The following CILK1 variants were observed in gnomAD, a reference collection of about 807,000 sequenced individuals.
The protein encoded by CILK1 is ciliogenesis associated kinase 1.
In CILK1, 47 loss-of-function variants were observed where a neutral mutation model predicts 79.2. The ratio of observed to expected loss-of-function variants is 0.59; its 90% CI spans 0.47 to 0.76. The LOEUF is 0.76. CILK1 is among the 30% of genes least tolerant of loss of function. The pLI, the probability that CILK1 is intolerant of heterozygous loss-of-function variation, is 0.00. For missense variants in CILK1, 660 were observed against 769.5 expected (o/e 0.86, Z 1.68); for synonymous variants, 266 against 275.9 (o/e 0.96, Z 0.36).
At chr6:53,005,750 T>C (rs1164196969) in intron 13 of CILK1, among the ~76,000 whole-genome samples, 1 of 152,140 alleles carries the variant, frequency 6.6e-6, no homozygotes, top group Non-Finnish European at 1.5e-5. Context: ...GGCTGTCAGA[T>C]CACCTCACTT....
At chr6:53,024,725 C>A (rs1364097588) in intron 5 of CILK1, among the ~76,000 whole-genome samples, 1 of 152,122 alleles carries the variant, frequency 6.6e-6, no homozygotes, top group Non-Finnish European at 1.5e-5. Context: ...AAAACTGAAT[C>A]ATGGTGGCAG....
At chr6:53,041,838 T>TAG (rs1766732059) in intron 1 of CILK1, among the ~76,000 whole-genome samples, 1 of 152,110 alleles carries the variant, frequency 6.6e-6, no homozygotes. Context: ...CTCTGGGCCC[T>TAG]AAGCTGCTGG....
rs781680438 is a variant in CILK1, at chr6:53,011,785, G to C, written c.1476C>G (p.His492Gln). The C allele has an allele frequency of 6.2e-7, 1 of 1,614,074 alleles. No individual in the cohort carries two copies. The highest frequency in any genetic ancestry group is 1.1e-5 in the South Asian group (1 of 91,084). Residue 492 changes from histidine to glutamine, a missense_variant, in exon 11 of 14, where the codon CAC becomes CAG. By Grantham distance (24) the His-to-Gln change is conservative (BLOSUM62 0). Coordinates refer to ENST00000676107, the MANE Select transcript of CILK1 (RefSeq NM_014920.5). Reference sequence around the variant, plus strand: ...TTATATTACCAGGCAAGTATCGAGAGTGCTTCAAATAGTGCTGCTTGGCTG... The same window carrying C: ...TTATATTACCAGGCAAGTATCGAGACTGCTTCAAATAGTGCTGCTTGGCTG... ...RSAAKQHYLK[H>Q]SRYLPGISIR...
rs763249270 is a variant in CILK1 at position 53,041,239 on chromosome 6, T to C, written c.-3A>G. 5 of 1,609,274 alleles carry C rather than the reference T, an allele frequency of 3.1e-6. No homozygotes were observed. In the African/African-American group the frequency reaches 4.0e-5, roughly 13 times the overall value. On this transcript the variant is annotated 5_prime_UTR_variant, in exon 2 of 14. Transcript: ENST00000676107. Reference sequence around the variant, plus strand: ...CTGATTGTTGTGTATCTATTCATGGTGTGCCTGCTCAGGCCGGACACTCAT... The same window carrying C: ...CTGATTGTTGTGTATCTATTCATGGCGTGCCTGCTCAGGCCGGACACTCAT...
chr6:53,056,077 A>G (rs1390354555), intron 1 of CILK1, among the ~76,000 whole-genome samples: 1 of 152,166 alleles, frequency 6.6e-6, no homozygotes, highest in African/African-American at 2.4e-5. Context: ...GTAGATAGTA[A>G]CTTTCATGAT....
At chr6:53,036,139 T>C (rs1276234088) in intron 3 of CILK1, among the ~76,000 whole-genome samples, 4 of 152,204 alleles carry the variant, frequency 2.6e-5, no homozygotes. Flanking sequence ...ACTGTATATA[T>C]GAGTAATCTC....
intron 3 of CILK1, among the ~76,000 whole-genome samples, chr6:53,036,723 GAT>G (rs1766363760): frequency 1.3e-5 from 2 of 151,950 alleles, no homozygotes. Flanking sequence ...GCCCAAAAAA[GAT>G]AAAAAAGAAT....
At chr6:53,055,019 A>G (rs1012872002) in intron 1 of CILK1, among the ~76,000 whole-genome samples, 1 of 152,242 alleles carries the variant, frequency 6.6e-6, no homozygotes, top group Non-Finnish European at 1.5e-5. Flanking sequence ...GACAGGAGAC[A>G]AAAAGTTACA....
intron 5 of CILK1, among the ~76,000 whole-genome samples, chr6:53,028,099 A>C (rs541808129): frequency 6.8e-6 from 1 of 146,432 alleles, no homozygotes; most frequent in South Asian, 2.2e-4. Flanking sequence ...GTAAGCTGAG[A>C]TCGCGCCACT....
chr6:53,019,846 T>TG (rs1156655477), intron 5 of CILK1, among the ~76,000 whole-genome samples: 21 of 146,710 alleles, frequency 1.4e-4, no homozygotes, highest in Non-Finnish European at 2.9e-4. Context: ...TTTTTTTTTT[T>TG]GTTTTTGTAA....
chr6:53,040,010 T>C (rs755784074), intron 2 of CILK1, among the ~76,000 whole-genome samples: 10 of 152,042 alleles, frequency 6.6e-5, no homozygotes, highest in South Asian at 2.1e-4. Flanking sequence ...GTACCAATTA[T>C]TGAAATAGGA....
At position 53,018,250 on chromosome 6, in the gene CILK1, C is replaced by T. The variant is rs1765005941; in HGVS notation, c.663+80G>A. On this transcript the variant is annotated intron_variant, in intron 7 of 13. Transcript: ENST00000676107. ...TAGAATGGGCAGGTGCTCAATCATG[C>T]CAGTGCTGAACAGGGCTGAGCGGAG... 4.4e-6 allele frequency: 6 copies of T among 1,357,300 alleles called. No homozygotes were observed. In the Admixed American group the frequency reaches 1.0e-4, roughly 23 times the overall value. The allele number at this position is 1,357,300 out of a possible 1,614,324, so 84.1% of individuals were successfully genotyped here.
chr6:53,033,111 G>A lies in CILK1; in HGVS notation c.157-457C>T, dbSNP rs570655243. ...AGGAAATTGTTCAAAACGACGAAGG[G>A]TTGATGGCCTGCTTCTCTTGACTTT... On this transcript the variant is annotated intron_variant, in intron 3 of 13. Coordinates refer to ENST00000676107, the MANE Select transcript of CILK1 (RefSeq NM_014920.5). Among the ~76,000 whole-genome samples the A allele has an allele frequency of 4.1e-4, 63 of 152,324 alleles. 1 individual carries two copies. The highest frequency in any genetic ancestry group is 6.6e-4 in the Non-Finnish European group (45 of 68,026).
chr6:53,059,989 T>C (rs1768292067), intron 1 of CILK1, among the ~76,000 whole-genome samples: 2 of 152,138 alleles, frequency 1.3e-5, no homozygotes, highest in South Asian at 4.1e-4. Flanking sequence ...GAGGGATCCA[T>C]ATAAAACATA....
chr6:53,053,868 G>A (rs777930956), intron 1 of CILK1, among the ~76,000 whole-genome samples: 15 of 152,142 alleles, frequency 9.9e-5, no homozygotes, highest in Non-Finnish European at 2.1e-4. Context: ...GTGCCTCGGG[G>A]CATCTCTTGG....
intron 3 of CILK1, among the ~76,000 whole-genome samples, chr6:53,037,537 T>G (rs1180522259): frequency 3.3e-5 from 5 of 152,060 alleles, no homozygotes; most frequent in Non-Finnish European, 5.9e-5. Context: ...CGCAAGGGTG[T>G]GGGGGTCAAT....
chr6:53,042,176 G>A (rs142267840), intron 1 of CILK1, among the ~76,000 whole-genome samples: 1 of 152,226 alleles, frequency 6.6e-6, no homozygotes, highest in African/African-American at 2.4e-5. Flanking sequence ...CCTTTACACC[G>A]TTCACTAACC....
intron 3 of CILK1, among the ~76,000 whole-genome samples, chr6:53,037,542 GT>G (rs1766439481): frequency 6.6e-6 from 1 of 152,168 alleles, no homozygotes; most frequent in Non-Finnish European, 1.5e-5. Context: ...GGGTGTGGGG[GT>G]CAATGAATTT....
At position 53,032,237 on chromosome 6, in the gene CILK1, T is replaced by C. The variant is rs950320221; in HGVS notation, c.278+296A>G. 7.9e-5 allele frequency among the ~76,000 whole-genome samples: 12 copies of C among 152,230 alleles called. No homozygotes were observed. In the East Asian group the frequency reaches 2.1e-3, roughly 27 times the overall value. ...AATATGGGTGGGCCCCACACCTAAC[T>C]GGCAGCTTTCAACATGAAAGCCCAG... On this transcript the variant is annotated intron_variant, in intron 4 of 13. Coordinates refer to ENST00000676107, the MANE Select transcript of CILK1 (RefSeq NM_014920.5).
Sources: allele counts gnomAD v4.1 joint callset (sites outside exome capture counted in the v4.1 genomes callset), GRCh38; gene constraint gnomAD v4.1.1; transcripts MANE v1.5; gene names NCBI Gene and HGNC (gene_info 2026-07-23, HGNC 2026-07-21).